RBM23: variants seen among roughly 807,000 people sequenced by gnomAD.
RBM23 encodes probable RNA-binding protein 23.
Under a neutral mutation model 56.2 loss-of-function variants are expected in RBM23, and 53 were observed. That is an observed-to-expected ratio of 0.94 (90% CI 0.76 to 1.19). The LOEUF (loss-of-function observed/expected upper bound fraction) is 1.19. RBM23 is among the 50% of genes most tolerant of loss of function. The pLI, the probability that RBM23 is intolerant of heterozygous loss-of-function variation, is 0.00. For missense variants in RBM23, 642 were observed against 590.3 expected (o/e 1.09, Z -0.91); for synonymous variants, 197 against 198.5 (o/e 0.99, Z 0.06).
rs557116761 is a variant in RBM23, at chr14:22,904,286, C to T, written c.905G>A (p.Arg302His). 19 of 1,613,092 alleles carry T rather than the reference C, an allele frequency of 1.2e-5. No individual in the cohort carries two copies. The highest frequency in any genetic ancestry group is 1.4e-5 in the Non-Finnish European group (16 of 1,179,244). Residue 302 changes from arginine (R) to histidine (H), a missense_variant, in exon 10 of 14, where the codon CGC becomes CAC. Physicochemically the swap from Arg to His is conservative, Grantham distance 29 (BLOSUM62 0). Coordinates refer to ENST00000359890, the MANE Select transcript of RBM23 (RefSeq NM_001077351.2). ...IVLMKDSDTGRSKGYGFITFS... is the reference protein window; with the variant it reads ...IVLMKDSDTGHSKGYGFITFS... ...CGTGATGAAACCATAACCTTTAGAG[C>T]GGCCTGTATCTGAGTCCTTCATCAG...
At chr14:22,904,025 C>A in intron 10 of RBM23, 1 of 1,449,758 alleles carries the variant, frequency 6.9e-7, no homozygotes, top group Non-Finnish European at 9.1e-7. Flanking sequence ...ACCAGGGAAG[C>A]TGGGTGAACT....
rs1395155278 is a variant in RBM23 at position 22,897,294 on chromosome 14, G to GC, written c.*4435dup. On this transcript the variant is annotated 3_prime_UTR_variant, in exon 14 of 14. Coordinates refer to ENST00000359890, the MANE Select transcript of RBM23 (RefSeq NM_001077351.2). ...AGTTTTCAATAAAATAATTTTTATT[G>GC]CAATTATTTTATTTACTAAATAAAA... 1.3e-5 allele frequency: 2 copies of GC among 152,128 alleles called. No homozygotes were observed. Among genetic ancestry groups the GC allele is most frequent in the African/African-American group, 4.8e-5 (2 of 41,434 alleles). The allele number at this position is 152,128 out of a possible 1,614,324, so 9.4% of individuals were successfully genotyped here.
In RBM23 at chr14:22,897,963, CATAAATGTT is replaced by C. The variant is rs1408687976; in HGVS notation, c.*3758_*3766del. ...AACACCTAACCTACAACCAACCTTG[CATAAATGTT>C]AACAATGACCATTATGCCACCTCCT... is the stretch of plus-strand genomic sequence containing the variant. On this transcript the variant is annotated 3_prime_UTR_variant, in exon 14 of 14. Transcript: ENST00000359890. 1 of 152,228 alleles carries C rather than the reference CATAAATGTT, an allele frequency of 6.6e-6. No homozygotes were observed. The highest frequency in any genetic ancestry group is 1.9e-4 in the East Asian group (1 of 5,200). The allele number at this position is 152,228 out of a possible 1,614,324, so 9.4% of individuals were successfully genotyped here. A position where few individuals can be genotyped will look rare whatever the true frequency, so the allele number is the denominator to read the frequency against.
In RBM23 at chr14:22,904,523, T is replaced by C. The variant is rs540852823; in HGVS notation, c.865-197A>G. Among the ~76,000 whole-genome samples the C allele has an allele frequency of 6.8e-3, 952 of 140,768 alleles. 7 individuals carry two copies. Among genetic ancestry groups the C allele is most frequent in the African/African-American group, 0.023 (867 of 38,256 alleles). 92.3% of individuals were successfully genotyped at this position (140,768 alleles called of 152,430 possible). A position where few individuals can be genotyped will look rare whatever the true frequency, so the allele number is the denominator to read the frequency against. On this transcript the variant is annotated intron_variant, in intron 9 of 13. Coordinates refer to ENST00000359890, the MANE Select transcript of RBM23 (RefSeq NM_001077351.2). The stretch of plus-strand genomic sequence containing the variant: ...AGAAATATTTTGGTAAAAGGTGGAC[T>C]TTTTTTTTTTTTTCCGAGGCTCACT...
At chr14:22,911,868 G>A (rs565484288) in intron 1 of RBM23, 15 of 153,082 alleles carry the variant, frequency 9.8e-5, no homozygotes, top group South Asian at 2.0e-4. Context: ...CCAAGATCAC[G>A]CCACTGTACT....
intron 10 of RBM23, chr14:22,902,607 C>G: frequency 1.6e-6 from 2 of 1,271,638 alleles, no homozygotes; most frequent in Non-Finnish European, 2.0e-6. Context: ...TCTTTCAGCT[C>G]CATTAAGAAT....
intron 3 of RBM23, among the ~76,000 whole-genome samples, chr14:22,909,054 T>C (rs1390928413): frequency 6.6e-6 from 1 of 151,988 alleles, no homozygotes; most frequent in Non-Finnish European, 1.5e-5. Flanking sequence ...GCAATTCTCC[T>C]GCCTCAGCCT....
intron 10 of RBM23, chr14:22,903,872 G>A (rs1225777349): frequency 3.5e-6 from 4 of 1,157,770 alleles, no homozygotes; most frequent in South Asian, 1.9e-5. Flanking sequence ...CCAGAGGGAA[G>A]TATAATTTCC....
At position 22,905,104 on chromosome 14, in the gene RBM23, T is replaced by G. The variant is rs1434365085; in HGVS notation, c.716A>C (p.Gln239Pro). The change falls in exon 8 of 14, where the codon CAG becomes CCG. Residue 239 changes from glutamine (Q) to proline (P), a missense_variant. Transcript: ENST00000359890. ...TCTCAGCCTGCTCACCTGTGAAGCCTGTACAATGATAGGCACTCCCAGCAA... is the reference window on the plus strand; with the variant it reads ...TCTCAGCCTGCTCACCTGTGAAGCCGGTACAATGATAGGCACTCCCAGCAA... Reference protein sequence around the residue: ...QRLLGVPIIVQASQAEKNRLA... With the variant: ...QRLLGVPIIVPASQAEKNRLA... 6.2e-7 allele frequency: 1 copy of G among 1,614,152 alleles called. No homozygotes were observed. The highest frequency in any genetic ancestry group is 1.1e-5 in the South Asian group (1 of 91,080).
In RBM23 at chr14:22,895,824, G is replaced by A. The variant is rs2040239699; in HGVS notation, c.*5906C>T. 6.6e-6 allele frequency: 1 copy of A among 152,194 alleles called. No homozygotes were observed. Among genetic ancestry groups the A allele is most frequent in the South Asian group, 2.1e-4 (1 of 4,832 alleles). The allele number at this position is 152,194 out of a possible 1,614,324, so 9.4% of individuals were successfully genotyped here. On this transcript the variant is annotated 3_prime_UTR_variant, in exon 14 of 14. Transcript: ENST00000359890. ...TGGTATTTTTCCCCTGCCAGACAAA[G>A]CTAATGGTGTTAGGTACCTTGAAGG...
In RBM23 at chr14:22,911,394, C is replaced by T; in HGVS notation, c.-1G>A. The T allele has an allele frequency of 6.2e-7, 1 of 1,613,134 alleles. No individual in the cohort carries two copies. Among genetic ancestry groups the T allele is most frequent in the Non-Finnish European group, 8.5e-7 (1 of 1,179,300 alleles). The stretch of plus-strand genomic sequence containing the variant: ...CTATGTCAAAGTCATCAGATGCCAT[C>T]CTGTCAGATCTGGGGAGAGGATATT... On this transcript the variant is annotated 5_prime_UTR_variant, in exon 2 of 14. Transcript: ENST00000359890.
intron 4 of RBM23, 35 bp downstream of exon 4, chr14:22,908,298 A>T (rs1268067951): frequency 6.5e-7 from 1 of 1,547,656 alleles, no homozygotes; most frequent in Non-Finnish European, 8.7e-7. Flanking sequence ...AGGATTAAAG[A>T]TACGAGCCAC....
Position 22,900,000 on chromosome 14 carries a change from CCT to C in RBM23, c.*1728_*1729del, listed in dbSNP as rs1036158789. 30 of 152,118 alleles carry C rather than the reference CCT, an allele frequency of 2.0e-4. No homozygotes were observed. Among genetic ancestry groups the C allele is most frequent in the African/African-American group, 6.8e-4 (28 of 41,410 alleles). 9.4% of individuals were successfully genotyped at this position (152,118 alleles called of 1,614,324 possible). On this transcript the variant is annotated 3_prime_UTR_variant, in exon 14 of 14. Transcript: ENST00000359890. ...TTGGTCCCTAAGCTGGGTGAGACAG[CCT>C]CTCTCCCACCCCCTTATTATTAAGG... is the stretch of plus-strand genomic sequence containing the variant.
At chr14:22,915,403 T>TA (rs2043301171) in intron 1 of RBM23, among the ~76,000 whole-genome samples, 1 of 147,714 alleles carries the variant, frequency 6.8e-6, no homozygotes, top group Admixed American at 6.7e-5. Context: ...TTTTCCGTGT[T>TA]AGTCAGGCTG....
At chr14:22,906,411 G>C (rs758470643) in intron 4 of RBM23, 43 bp from the exon 5 acceptor site, 7 of 1,603,956 alleles carry the variant, frequency 4.4e-6, no homozygotes, top group Non-Finnish European at 6.0e-6. Context: ...ATCATGTTTA[G>C]GCCAACAACC....
At chr14:22,918,696 G>A (rs1335833164) in intron 1 of RBM23, among the ~76,000 whole-genome samples, 1 of 152,022 alleles carries the variant, frequency 6.6e-6, no homozygotes, top group Non-Finnish European at 1.5e-5. Flanking sequence ...CTCCAGTGTG[G>A]GCGACCCTAA....
At chr14:22,916,193 G>A (rs889483039) in intron 1 of RBM23, among the ~76,000 whole-genome samples, 2 of 152,092 alleles carry the variant, frequency 1.3e-5, no homozygotes, top group African/African-American at 2.4e-5. Flanking sequence ...TCCAGTCTGT[G>A]CAGCAGATTG....
chr14:22,902,117 G>A lies in RBM23; in HGVS notation c.1127-18C>T, dbSNP rs765501251. The A allele has an allele frequency of 1.6e-5, 25 of 1,605,076 alleles. No individual in the cohort carries two copies. The highest frequency in any genetic ancestry group is 2.0e-5 in the Non-Finnish European group (23 of 1,174,138). On this transcript the variant is annotated intron_variant, in intron 11 of 13. Coordinates refer to ENST00000359890, the MANE Select transcript of RBM23 (RefSeq NM_001077351.2). ...TCCAGCGCCTAAAAGGAAAAGAAAA[G>A]GTGGGATTAAGCCCCAACCCTTCAT...
At chr14:22,911,254 G>GA in intron 2 of RBM23, 74 bp downstream of exon 2, 1 of 1,190,888 alleles carries the variant, frequency 8.4e-7, no homozygotes, top group Non-Finnish European at 1.2e-6. Context: ...ATAAAATGTT[G>GA]AAAGTTGAAA....
Sources: allele counts gnomAD v4.1 joint callset (sites outside exome capture counted in the v4.1 genomes callset), GRCh38; gene constraint gnomAD v4.1.1; transcripts MANE v1.5; gene names NCBI Gene and HGNC (gene_info 2026-07-23, HGNC 2026-07-21).